The following SIGLEC10 variants were observed in gnomAD, a reference collection of about 807,000 sequenced individuals.
SIGLEC10 encodes the protein sialic acid binding Ig like lectin 10, also known as sialic acid-binding Ig-like lectin 10.
A neutral mutation model predicts 68.3 loss-of-function variants in SIGLEC10; 45 were observed. The observed-to-expected ratio is 0.66, with a 90% CI of 0.52 to 0.84. SIGLEC10 has a LOEUF of 0.84. SIGLEC10 is among the 40% of genes least tolerant of loss of function. The pLI is 0.00. For synonymous variants in SIGLEC10, 379 were observed against 370.8 expected (o/e 1.02, Z -0.26); for missense variants, 789 against 883.1 (o/e 0.89, Z 1.35).
chr19:51,411,988 C>G (rs1024015344), intron 10 of SIGLEC10, among the ~76,000 whole-genome samples: 1 of 151,616 alleles, frequency 6.6e-6, no homozygotes, highest in Non-Finnish European at 1.5e-5. Context: ...ACTAAAAATA[C>G]AAAAATTAGG....
chr19:51,412,981 C>A (rs1455112268), intron 10 of SIGLEC10, among the ~76,000 whole-genome samples: 1 of 152,000 alleles, frequency 6.6e-6, no homozygotes, highest in East Asian at 1.9e-4. Flanking sequence ...GTTGCTCAGG[C>A]TGGGGAATTA....
At position 51,414,476 on chromosome 19, in the gene SIGLEC10, G is replaced by C. The variant is rs201868126; in HGVS notation, c.1655C>G (p.Ala552Gly). The C allele has an allele frequency of 6.2e-7, 1 of 1,614,002 alleles. No individual in the cohort carries two copies. Among genetic ancestry groups the C allele is most frequent in the Non-Finnish European group, 8.5e-7 (1 of 1,179,984 alleles). ...AGCCGTGATGCCGATTCCCAGAAACGCTCCGTTGGAGAATGCCGTTGAGAT... is the reference window on the plus strand; with the variant it reads ...AGCCGTGATGCCGATTCCCAGAAACCCTCCGTTGGAGAATGCCGTTGAGAT... ...GLISTAFSNG[A>G]FLGIGITALL... The change falls in exon 9 of 11, where the codon GCG becomes GGG. Residue 552 changes from alanine to glycine, a missense_variant. Coordinates refer to ENST00000339313, the MANE Select transcript of SIGLEC10 (RefSeq NM_033130.5). This position sits in a 1 kb window ranked among gnomAD's most constrained non-coding sequence, Gnocchi z 4.1.
At chr19:51,413,936 C>A in intron 9 of SIGLEC10, 113 bp from the exon 10 acceptor site, 2 of 759,426 alleles carry the variant, frequency 2.6e-6, no homozygotes, top group Non-Finnish European at 4.6e-6. Context: ...CACTTGAGAC[C>A]GTCATTATGA....
chr19:51,415,069 G>A lies in SIGLEC10; in HGVS notation c.1370C>T (p.Ala457Val), dbSNP rs1281893150. Residue 457 changes from alanine (A) to valine (V), a missense_variant, in exon 8 of 11, where the codon GCT becomes GTT. Coordinates refer to ENST00000339313, the MANE Select transcript of SIGLEC10 (RefSeq NM_033130.5). ...KLLGPSCSWEAEGLHCSCSSQ... is the reference protein window; with the variant it reads ...KLLGPSCSWEVEGLHCSCSSQ... ...GGAGCAGCTGCAGTGCAGACCCTCA[G>A]CCTCCCAGGAGCAGGAGGGGCCCAG... is the stretch of plus-strand genomic sequence containing the variant. 1 of 1,587,034 alleles carries A rather than the reference G, an allele frequency of 6.3e-7. No individual in the cohort carries two copies. The highest frequency in any genetic ancestry group is 1.1e-5 in the South Asian group (1 of 88,180).
chr19:51,416,021 A>G lies in SIGLEC10; in HGVS notation c.901T>C (p.Trp301Arg). Residue 301 changes from tryptophan (W) to arginine (R), a missense_variant, in exon 5 of 11, where the codon TGG (tryptophan) becomes CGG (arginine). Coordinates refer to ENST00000339313, the MANE Select transcript of SIGLEC10 (RefSeq NM_033130.5). The stretch of plus-strand genomic sequence containing the variant: ...TCCAGCCCCAGGGGTCTAGGGCCCC[A>G]GGGATGGGACGAGGAGAGGACTCTG... The part of the protein sequence containing the change: ...QNRVLSSSHP[W>R]GPRPLGLELP... 1 of 1,613,340 alleles carries G rather than the reference A, an allele frequency of 6.2e-7. No homozygotes were observed. Among genetic ancestry groups the G allele is most frequent in the Non-Finnish European group, 8.5e-7 (1 of 1,179,954 alleles).
In SIGLEC10 at chr19:51,411,039, C is replaced by T; in HGVS notation, c.*60G>A. The T allele has an allele frequency of 6.5e-7, 1 of 1,550,286 alleles. No individual in the cohort carries two copies. Among genetic ancestry groups the T allele is most frequent in the Non-Finnish European group, 8.7e-7 (1 of 1,145,982 alleles). On this transcript the variant is annotated 3_prime_UTR_variant, in exon 11 of 11. Transcript: ENST00000339313. The stretch of plus-strand genomic sequence containing the variant: ...AGGAAACTTTGCACTCTGTTATCTT[C>T]AACCTCTTACTCTACCTTCCTCCCT...
rs761013820 is a variant in SIGLEC10 at position 51,415,646 on chromosome 19, C to G, written c.1025-31G>C. 3 of 1,613,862 alleles carry G rather than the reference C, an allele frequency of 1.9e-6. No homozygotes were observed. The South Asian group carries it at 3.3e-5, about 18-fold the overall frequency. ...ATGGAGACAGGGGACCGGCTCTAGACGGACCAGGGGCTTCCCTCTGGGTAA... is the reference window on the plus strand; with the variant it reads ...ATGGAGACAGGGGACCGGCTCTAGAGGGACCAGGGGCTTCCCTCTGGGTAA... On this transcript the variant is annotated intron_variant, in intron 5 of 10. Transcript: ENST00000339313.
chr19:51,413,862 C>T, intron 9 of SIGLEC10, 39 bp from the exon 10 acceptor site: 1 of 1,532,116 alleles, frequency 6.5e-7, no homozygotes, highest in African/African-American at 1.4e-5. Flanking sequence ...CCTGCTGCAC[C>T]TCCCTGTGAC....
chr19:51,415,995 C>T lies in SIGLEC10; in HGVS notation c.927G>A (p.Glu309=). 3 of 1,613,602 alleles carry T rather than the reference C, an allele frequency of 1.9e-6. No homozygotes were observed. The highest frequency in any genetic ancestry group is 2.5e-6 in the Non-Finnish European group (3 of 1,179,992). ...AATCCCCAGCCTTCACCCCGGGCAG[C>T]TCCAGCCCCAGGGGTCTAGGGCCCC... ...HPWGPRPLGL[E]LPGVKAGDSG... Residue 309 remains glutamate (E), a synonymous_variant, in exon 5 of 11, where the codon GAG becomes GAA. Coordinates refer to ENST00000339313, the MANE Select transcript of SIGLEC10 (RefSeq NM_033130.5).
In SIGLEC10 at chr19:51,415,605, C is replaced by T. The variant is rs1988537106; in HGVS notation, c.1035G>A (p.Glu345=). Residue 345 remains glutamate, a synonymous_variant, in exon 6 of 11, where the codon GAG becomes GAA. Transcript: ENST00000339313. ...CTTGGGAAACCATCACTCTCAGGTT[C>T]TCTGGAGGATCTGAAATGGAGACAG... is the stretch of plus-strand genomic sequence containing the variant. ...ALDLSVQYPP[E]NLRVMVSQAN... is the part of the protein sequence containing the mutation. 1 of 1,613,808 alleles carries T rather than the reference C, an allele frequency of 6.2e-7. No homozygotes were observed. The highest frequency in any genetic ancestry group is 1.3e-5 in the African/African-American group (1 of 74,904).
intron 9 of SIGLEC10, 93 bp from the exon 10 acceptor site, chr19:51,413,916 C>T (rs1290128857): frequency 1.1e-6 from 1 of 909,820 alleles, no homozygotes; most frequent in Non-Finnish European, 1.8e-6. Context: ...ATGACAGTTA[C>T]TACTGTTACC....
Position 51,415,772 on chromosome 19 carries a change from C to T in SIGLEC10, c.1024+126G>A, listed in dbSNP as rs1221698654. On this transcript the variant is annotated intron_variant, in intron 5 of 10. Coordinates refer to ENST00000339313, the MANE Select transcript of SIGLEC10 (RefSeq NM_033130.5). ...CAGACACAAACTGCATGAGGGTCTA[C>T]ACAGGTAAGAAGGTCGGTCTCCGAG... is the stretch of plus-strand genomic sequence containing the variant. 23 of 1,577,488 alleles carry T rather than the reference C, an allele frequency of 1.5e-5. No individual in the cohort carries two copies. The East Asian group carries it at 4.7e-4, about 32-fold the overall frequency.
intron 10 of SIGLEC10, among the ~76,000 whole-genome samples, chr19:51,413,232 G>A (rs1445017411): frequency 1.3e-5 from 2 of 152,126 alleles, no homozygotes; most frequent in Non-Finnish European, 2.9e-5. Context: ...CCTAGGAGGT[G>A]GCCGCTAGTA....
Position 51,415,639 on chromosome 19 carries a change from C to T in SIGLEC10, c.1025-24G>A, listed in dbSNP as rs375228488. On this transcript the variant is annotated intron_variant, in intron 5 of 10. Coordinates refer to ENST00000339313, the MANE Select transcript of SIGLEC10 (RefSeq NM_033130.5). ...ATCTGAAATGGAGACAGGGGACCGG[C>T]TCTAGACGGACCAGGGGCTTCCCTC... 1.8e-4 allele frequency: 286 copies of T among 1,613,790 alleles called. 1 individual carries two copies. The highest frequency in any genetic ancestry group is 3.0e-5 in the Non-Finnish European group (35 of 1,179,842).
In SIGLEC10 at chr19:51,413,856, C is replaced by T. The variant is rs755254651; in HGVS notation, c.1710-33G>A. 3.9e-6 allele frequency: 6 copies of T among 1,554,108 alleles called. No individual in the cohort carries two copies. In the Admixed American group the frequency reaches 5.0e-5, roughly 13 times the overall value. ...AATGAACCCACCTGTTTGTGCCCTG[C>T]TGCACCTCCCTGTGACAGACTGCCA... is the stretch of plus-strand genomic sequence containing the variant. On this transcript the variant is annotated intron_variant, in intron 9 of 10. Coordinates refer to ENST00000339313, the MANE Select transcript of SIGLEC10 (RefSeq NM_033130.5).
In SIGLEC10 at chr19:51,417,405, T is replaced by C. The variant is rs545989877; in HGVS notation, c.98A>G (p.Glu33Gly). Residue 33 changes from glutamate to glycine, a missense_variant, in exon 2 of 11, where the codon GAG (glutamate) becomes GGG (glycine). Physicochemically the swap from Glu to Gly is moderately conservative, Grantham distance 98 (BLOSUM62 -2). Coordinates refer to ENST00000339313, the MANE Select transcript of SIGLEC10 (RefSeq NM_033130.5). ...GCAGGGCACAGAGATGCACAGGCCC[T>C]CCGGCACCATCACTGACTCCTGCAC... ...IRVQESVMVPEGLCISVPCSF... is the reference protein window; with the variant it reads ...IRVQESVMVPGGLCISVPCSF... 1 of 1,614,174 alleles carries C rather than the reference T, an allele frequency of 6.2e-7. No individual in the cohort carries two copies. The highest frequency in any genetic ancestry group is 1.1e-5 in the South Asian group (1 of 91,084).
In SIGLEC10 at chr19:51,415,113, G is replaced by C. The variant is rs529803941; in HGVS notation, c.1331-5C>G. On this transcript the variant is annotated splice_polypyrimidine_tract_variant and splice_region_variant and intron_variant, in intron 7 of 10. Coordinates refer to ENST00000339313, the MANE Select transcript of SIGLEC10 (RefSeq NM_033130.5). ...GGCCCAGCAGCTTCGGGGAGTCTGAGGGGAGGGAGGACAGGACTCAGCAGG... is the reference window on the plus strand; with the variant it reads ...GGCCCAGCAGCTTCGGGGAGTCTGACGGGAGGGAGGACAGGACTCAGCAGG... 1 of 1,571,730 alleles carries C rather than the reference G, an allele frequency of 6.4e-7. No homozygotes were observed. The highest frequency in any genetic ancestry group is 1.2e-5 in the South Asian group (1 of 84,428).
Position 51,417,438 on chromosome 19 carries a change from C to A in SIGLEC10, c.65G>T (p.Trp22Leu), listed in dbSNP as rs150439142. ...CATCACTGACTCCTGCACTCGTATCCAGAATCTCCCATCCATAGCCTGGGA... is the reference window on the plus strand; with the variant it reads ...CATCACTGACTCCTGCACTCGTATCAAGAATCTCCCATCCATAGCCTGGGA... Reference protein sequence around the residue: ...GGSQAMDGRFWIRVQESVMVP... With the variant: ...GGSQAMDGRFLIRVQESVMVP... The change falls in exon 2 of 11, where the codon TGG (tryptophan) becomes TTG (leucine). Residue 22 changes from tryptophan (W) to leucine (L), a missense_variant. Trp to Leu is a moderately conservative substitution (Grantham distance 61, BLOSUM62 -2). Coordinates refer to ENST00000339313, the MANE Select transcript of SIGLEC10 (RefSeq NM_033130.5). 5 of 1,613,822 alleles carry A rather than the reference C, an allele frequency of 3.1e-6. No individual in the cohort carries two copies. Among genetic ancestry groups the A allele is most frequent in the Non-Finnish European group, 4.2e-6 (5 of 1,179,738 alleles).
At chr19:51,411,650 G>A (rs868419752) in intron 10 of SIGLEC10, among the ~76,000 whole-genome samples, 26 of 152,042 alleles carry the variant, frequency 1.7e-4, no homozygotes, top group South Asian at 8.3e-4. Flanking sequence ...TTTCAAGACC[G>A]GCCTGGCCAA....
Sources: gnomAD v4.1 joint callset for allele counts (sites outside exome capture counted in the v4.1 genomes callset) on GRCh38, gnomAD v4.1.1 for gene constraint, Gnocchi (gnomAD v3.1) non-coding constraint, MANE v1.5 for transcripts, NCBI Gene and HGNC (gene_info 2026-07-23, HGNC 2026-07-21) for gene names.